The following CYYR1 variants were observed in gnomAD, a reference collection of about 807,000 sequenced individuals.
CYYR1 encodes the protein cysteine and tyrosine rich 1.
In CYYR1, 14 loss-of-function variants were observed where a neutral mutation model predicts 15.2. That is an observed-to-expected ratio of 0.92 (90% CI 0.61 to 1.44). The LOEUF is 1.44. Ranked by LOEUF, CYYR1 falls within the 40% of genes most tolerant of loss-of-function variation. CYYR1 has a pLI of 0.00. For missense variants in CYYR1, 228 were observed against 209.5 expected, an observed-to-expected ratio of 1.09 and a Z score of -0.54; for synonymous variants, 80 against 77.4, an observed-to-expected ratio of 1.03 and a Z score of -0.18.
At chr21:26,545,636 C>T (rs1978917726) in intron 2 of CYYR1, among the ~76,000 whole-genome samples, 1 of 122,430 alleles carries the variant, frequency 8.2e-6, no homozygotes. Context: ...GGTGCGATCT[C>T]GGCTCACTGC....
chr21:26,528,987 A>G (rs1432035312), intron 2 of CYYR1, among the ~76,000 whole-genome samples: 1 of 152,206 alleles, frequency 6.6e-6, no homozygotes, highest in Non-Finnish European at 1.5e-5. Flanking sequence ...AACACAGTCC[A>G]TTATTAGAAG....
chr21:26,561,874 G>A (rs1043186144), intron 2 of CYYR1, among the ~76,000 whole-genome samples: 3 of 152,092 alleles, frequency 2.0e-5, no homozygotes, highest in African/African-American at 7.2e-5. Context: ...TCAGTTCCAT[G>A]TTTAGCTTGT....
chr21:26,494,135 C>T (rs1446992308), intron 2 of CYYR1, among the ~76,000 whole-genome samples: 1 of 152,158 alleles, frequency 6.6e-6, no homozygotes, highest in East Asian at 1.9e-4. Flanking sequence ...AGTACCACAA[C>T]TAATTAGCAG....
At chr21:26,486,385 CTGAT>C (rs1469967501) in intron 2 of CYYR1, among the ~76,000 whole-genome samples, 2 of 151,950 alleles carry the variant, frequency 1.3e-5, no homozygotes, top group African/African-American at 4.8e-5. Flanking sequence ...TTCTAAAAGA[CTGAT>C]TATTTTACAT....
At chr21:26,571,966 TACTC>T (rs1569183526) in intron 1 of CYYR1, among the ~76,000 whole-genome samples, 1 of 152,230 alleles carries the variant, frequency 6.6e-6, no homozygotes, top group Non-Finnish European at 1.5e-5. Context: ...ATTCTTTTAA[TACTC>T]AGGTGCAACA....
intron 3 of CYYR1, chr21:26,471,006 C>T (rs1227977939): frequency 6.6e-6 from 1 of 152,170 alleles, no homozygotes; most frequent in African/African-American, 2.4e-5. Context: ...TATACAGTTT[C>T]CCCAGTGCTC....
In CYYR1 at chr21:26,547,843, C is replaced by A. The variant is rs150885403; in HGVS notation, c.176+18423G>T. On this transcript the variant is annotated intron_variant, in intron 2 of 3. Transcript: ENST00000652641. ...GAAACCTCGATTTCAACCAATACAACTTTCCTGTTATACTAATACCATTCC... is the reference window on the plus strand; with the variant it reads ...GAAACCTCGATTTCAACCAATACAAATTTCCTGTTATACTAATACCATTCC... 1.9e-4 allele frequency among the ~76,000 whole-genome samples: 28 copies of A among 151,290 alleles called. No homozygotes were observed. The East Asian group carries it at 3.7e-3, about 20-fold the overall frequency.
At chr21:26,482,258 T>A in intron 2 of CYYR1, 2 of 950,452 alleles carry the variant, frequency 2.1e-6, no homozygotes, top group Non-Finnish European at 1.3e-6. Context: ...TCGCATTTAT[T>A]TTACAACTTA....
At chr21:26,563,045 G>T (rs979433582) in intron 2 of CYYR1, among the ~76,000 whole-genome samples, 3 of 152,036 alleles carry the variant, frequency 2.0e-5, no homozygotes, top group African/African-American at 7.2e-5. Flanking sequence ...AATTAAACTT[G>T]CTGAATACTG....
intron 2 of CYYR1, among the ~76,000 whole-genome samples, chr21:26,515,343 CTCTTTT>C (rs1251205369): frequency 1.3e-5 from 2 of 152,114 alleles, no homozygotes; most frequent in Admixed American, 1.3e-4. Context: ...CCACCCTGAT[CTCTTTT>C]TCTTTTTCTT....
At chr21:26,488,904 T>TA (rs903598919) in intron 2 of CYYR1, among the ~76,000 whole-genome samples, 10 of 152,010 alleles carry the variant, frequency 6.6e-5, no homozygotes, top group Non-Finnish European at 1.5e-4. Context: ...CAAACTAGTT[T>TA]AAAAAAAATT....
At chr21:26,478,157 T>C in intron 3 of CYYR1, 1 of 1,548,702 alleles carries the variant, frequency 6.5e-7, no homozygotes, top group Non-Finnish European at 8.7e-7. Flanking sequence ...AAATGAACAA[T>C]AAACAATCAA....
intron 2 of CYYR1, among the ~76,000 whole-genome samples, chr21:26,494,422 A>G (rs577741637): frequency 6.6e-6 from 1 of 152,346 alleles, no homozygotes; most frequent in African/African-American, 2.4e-5. Context: ...TATTGTCAAG[A>G]TAAGCAACAA....
intron 2 of CYYR1, among the ~76,000 whole-genome samples, chr21:26,487,101 C>T (rs114908090): frequency 2.7e-3 from 412 of 151,972 alleles, no homozygotes; most frequent in African/African-American, 9.5e-3. Flanking sequence ...TACACCTATA[C>T]AAAAAGTGGG....
chr21:26,487,557 T>G (rs1191125378), intron 2 of CYYR1, among the ~76,000 whole-genome samples: 2 of 152,144 alleles, frequency 1.3e-5, no homozygotes, highest in African/African-American at 4.8e-5. Flanking sequence ...TGTTTTATTA[T>G]AAATCATTGG....
At chr21:26,564,697 C>G (rs1980484871) in intron 2 of CYYR1, 2 of 1,152,566 alleles carry the variant, frequency 1.7e-6, no homozygotes, top group South Asian at 3.9e-5. Context: ...AGAGGGCACA[C>G]AGCACACTCC....
chr21:26,518,160 G>A (rs962167341), intron 2 of CYYR1, among the ~76,000 whole-genome samples: 1 of 152,208 alleles, frequency 6.6e-6, no homozygotes, highest in African/African-American at 2.4e-5. Flanking sequence ...TCTTGGTTAT[G>A]AAAGTAGAAA....
chr21:26,493,718 CTTG>C (rs2065358809), intron 2 of CYYR1, among the ~76,000 whole-genome samples: 1 of 152,042 alleles, frequency 6.6e-6, no homozygotes, highest in Non-Finnish European at 1.5e-5. Context: ...TTTCTGACAC[CTTG>C]TAGGAAAGAA....
intron 2 of CYYR1, among the ~76,000 whole-genome samples, chr21:26,542,206 T>C (rs918694201): frequency 2.5e-5 from 3 of 119,262 alleles, no homozygotes; most frequent in African/African-American, 1.0e-4. Context: ...TATTATACCA[T>C]GCAACATAAA....
Sources: allele counts gnomAD v4.1 joint callset (sites outside exome capture counted in the v4.1 genomes callset), GRCh38; gene constraint gnomAD v4.1.1; transcripts MANE v1.5; gene names NCBI Gene and HGNC (gene_info 2026-07-23, HGNC 2026-07-21).